ELSPBP1: variants seen among roughly 807,000 people sequenced by gnomAD.
ELSPBP1 encodes the protein epididymal sperm-binding protein 1.
Under a neutral mutation model 33.3 loss-of-function variants are expected in ELSPBP1, and 38 were observed. That is an observed-to-expected ratio of 1.14 (90% CI 0.88 to 1.50). The LOEUF is 1.50. Among genes scored for constraint, ELSPBP1 ranks in the 40% most tolerant of loss-of-function variants. The pLI, the probability that ELSPBP1 is intolerant of heterozygous loss-of-function variation, is 0.00. For missense variants in ELSPBP1, 267 were observed against 263.5 expected (o/e 1.01, Z -0.09); for synonymous variants, 85 against 94.1 (o/e 0.90, Z 0.56).
In ELSPBP1 at chr19:48,021,618, A is replaced by G. The variant is rs114877909; in HGVS notation, c.515-552A>G. Among the ~76,000 whole-genome samples, 918 of 150,694 alleles carry G rather than the reference A, an allele frequency of 6.1e-3. 7 individuals are homozygous for G. The highest frequency in any genetic ancestry group is 0.021 in the African/African-American group (878 of 41,012). On this transcript the variant is annotated intron_variant, in intron 5 of 6. Transcript: ENST00000339841. ...CCACACCTAGCTAATTTTTGTATATATGTATTTTTTTAGTAGAGATGGGGT... is the reference window on the plus strand; with the variant it reads ...CCACACCTAGCTAATTTTTGTATATGTGTATTTTTTTAGTAGAGATGGGGT...
chr19:47,998,552 C>T (rs913384337), intron 1 of ELSPBP1, among the ~76,000 whole-genome samples: 1 of 151,894 alleles, frequency 6.6e-6, no homozygotes, highest in African/African-American at 2.4e-5. Context: ...TTTGGGAGGC[C>T]GAGGCGGGCG....
rs566856567 is a variant in ELSPBP1 at position 48,014,966 on chromosome 19, C to T, written c.208+658C>T. Among the ~76,000 whole-genome samples the T allele has an allele frequency of 1.8e-4, 28 of 152,188 alleles. No individual in the cohort carries two copies. In the South Asian group the frequency reaches 2.1e-3, roughly 11 times the overall value. ...GAAAAAGGAAACGAAGTGTAAGAAA[C>T]GGGATTTGAGGCTGGGCGAGGTGGC... On this transcript the variant is annotated intron_variant, in intron 3 of 6. Transcript: ENST00000339841.
intron 6 of ELSPBP1, among the ~76,000 whole-genome samples, chr19:48,022,904 A>T (rs1967217756): frequency 7.4e-6 from 1 of 135,104 alleles, no homozygotes; most frequent in Admixed American, 7.6e-5. Flanking sequence ...AAAAAAAATT[A>T]GTTGGGTGTG....
intron 1 of ELSPBP1, among the ~76,000 whole-genome samples, chr19:48,001,091 G>T (rs1213651608): frequency 3.9e-5 from 6 of 152,002 alleles, no homozygotes. Context: ...TGCATTCTTT[G>T]GCTCGTGGCC....
intron 1 of ELSPBP1, among the ~76,000 whole-genome samples, chr19:48,007,178 C>T (rs1967029448): frequency 1.3e-5 from 2 of 152,268 alleles, no homozygotes; most frequent in Admixed American, 6.5e-5. Context: ...TAATTGGACC[C>T]TCGTGGCCAC....
chr19:48,017,571 C>A (rs1967155276), intron 4 of ELSPBP1, among the ~76,000 whole-genome samples: 1 of 152,010 alleles, frequency 6.6e-6, no homozygotes, highest in Non-Finnish European at 1.5e-5. Context: ...ATTTCTTAAC[C>A]CTAAACCAAA....
At chr19:48,020,731 C>T (rs1189215735) in intron 5 of ELSPBP1, among the ~76,000 whole-genome samples, 1 of 152,194 alleles carries the variant, frequency 6.6e-6, no homozygotes, top group Non-Finnish European at 1.5e-5. Flanking sequence ...TGCCCTTCTT[C>T]CCTATTCCAG....
At chr19:47,999,382 C>CGTTT (rs2122288641) in intron 1 of ELSPBP1, among the ~76,000 whole-genome samples, 1 of 106,176 alleles carries the variant, frequency 9.4e-6, no homozygotes, top group South Asian at 3.1e-4. Context: ...CTGAAAGCCT[C>CGTTT]ATTTCTTTTT....
At chr19:48,000,985 T>C (rs376176666) in intron 1 of ELSPBP1, among the ~76,000 whole-genome samples, 148 of 152,304 alleles carry the variant, frequency 9.7e-4, no homozygotes, top group African/African-American at 3.3e-3. Context: ...TCAGTCTCAC[T>C]GGGGCTAAGA....
At chr19:48,013,737 A>C (rs1967101035) in intron 2 of ELSPBP1, among the ~76,000 whole-genome samples, 2 of 151,878 alleles carry the variant, frequency 1.3e-5, no homozygotes, top group South Asian at 4.1e-4. Flanking sequence ...AAAGTAAATA[A>C]AATAAAATTT....
chr19:48,022,494 G>A (rs1437768669), intron 6 of ELSPBP1, 160 bp downstream of exon 6: 2 of 565,316 alleles, frequency 3.5e-6, no homozygotes, highest in Non-Finnish European at 5.7e-6. Flanking sequence ...CAGCATGTCT[G>A]ATTAGCTGAG....
chr19:48,013,735 TAAA>T (rs1209667349), intron 2 of ELSPBP1, among the ~76,000 whole-genome samples: 2 of 149,038 alleles, frequency 1.3e-5, no homozygotes, highest in African/African-American at 2.5e-5. Context: ...AAAAAGTAAA[TAAA>T]ATAAAATTTA....
At chr19:48,020,515 T>C (rs1173134975) in intron 5 of ELSPBP1, among the ~76,000 whole-genome samples, 1 of 152,162 alleles carries the variant, frequency 6.6e-6, no homozygotes, top group Non-Finnish European at 1.5e-5. Flanking sequence ...CCTGTGTGTG[T>C]CCACAAATGA....
In ELSPBP1 at chr19:48,011,667, A is replaced by T. The variant is rs1400134529; in HGVS notation, c.71-2504A>T. On this transcript the variant is annotated intron_variant, in intron 2 of 6. Coordinates refer to ENST00000339841, the MANE Select transcript of ELSPBP1 (RefSeq NM_022142.5). The surrounding 1 kb of genome is among the most constrained non-coding windows in gnomAD (Gnocchi z 4.5). The stretch of plus-strand genomic sequence containing the variant: ...CATCCTGATGACAATGACAATAATG[A>T]GACTGATGATGGTGACAATGACTGA... 6.6e-6 allele frequency among the ~76,000 whole-genome samples: 1 copy of T among 151,742 alleles called. No homozygotes were observed. The highest frequency in any genetic ancestry group is 1.5e-5 in the Non-Finnish European group (1 of 67,938).
Position 48,008,702 on chromosome 19 carries a change from CA to C in ELSPBP1, c.37del (p.Thr13ProfsTer83), listed in dbSNP as rs747187241. 1 of 1,613,726 alleles carries C rather than the reference CA, an allele frequency of 6.2e-7. No homozygotes were observed. The highest frequency in any genetic ancestry group is 8.5e-7 in the Non-Finnish European group (1 of 1,179,922). On this transcript the variant is annotated frameshift_variant, in exon 2 of 7. Coordinates refer to ENST00000339841, the MANE Select transcript of ELSPBP1 (RefSeq NM_022142.5). LOFTEE classifies it high-confidence loss of function. ...TGGTCCAGTTACCTGTTGGGATGGACAACCTTCCTTCTCTATTCCTATGAGT... is the reference window on the plus strand; with the variant it reads ...TGGTCCAGTTACCTGTTGGGATGGACACCTTCCTTCTCTATTCCTATGAGT... ...TRWSSYLLGW[T>X]TFLLYSYESS...
chr19:48,023,597 G>A (rs1404042915), intron 6 of ELSPBP1, among the ~76,000 whole-genome samples: 1 of 146,174 alleles, frequency 6.8e-6, no homozygotes, highest in East Asian at 2.0e-4. Context: ...AGGAAGGAAG[G>A]GAGGGAGGGA....
chr19:48,008,784 A>C (rs759137944), intron 2 of ELSPBP1, 47 bp downstream of exon 2: 6 of 1,525,804 alleles, frequency 3.9e-6, no homozygotes, highest in Non-Finnish European at 5.4e-6. Flanking sequence ...CTGGAGAAGA[A>C]TGAATGGGGC....
chr19:48,015,004 T>C (rs1967116630), intron 3 of ELSPBP1, among the ~76,000 whole-genome samples: 1 of 152,128 alleles, frequency 6.6e-6, no homozygotes, highest in Non-Finnish European at 1.5e-5. Flanking sequence ...ATGCCTGTAA[T>C]CCCAGCAAAA....
At chr19:48,016,125 G>C (rs571869141) in intron 4 of ELSPBP1, 86 bp downstream of exon 4, 1 of 1,507,940 alleles carries the variant, frequency 6.6e-7, no homozygotes, top group Non-Finnish European at 9.1e-7. Context: ...GGGCAAGGTA[G>C]AGACCAGAGC....
Sources: allele counts gnomAD v4.1 joint callset (sites outside exome capture counted in the v4.1 genomes callset), GRCh38; gene constraint gnomAD v4.1.1; non-coding constraint Gnocchi (gnomAD v3.1); transcripts MANE v1.5; gene names NCBI Gene and HGNC (gene_info 2026-07-23, HGNC 2026-07-21).